Variants in KIDINS220 observed in about 807,000 individuals in gnomAD.
KIDINS220 encodes kinase D interacting substrate 220.
KIDINS220 carries 63 observed loss-of-function variants against 157.6 expected under a neutral mutation model. The ratio of observed to expected loss-of-function variants is 0.40; its 90% confidence interval spans 0.33 to 0.49. The LOEUF (loss-of-function observed/expected upper bound fraction) is 0.49. Ranked by LOEUF, KIDINS220 falls within the 20% of genes least tolerant of loss-of-function variation. The probability of loss-of-function intolerance (pLI) is 0.66; values close to 1 mark genes in which losing one functional copy is unlikely to be tolerated. For missense variants in KIDINS220, 1,772 were observed against 2,171.2 expected (o/e 0.82, Z 3.65); for synonymous variants, 732 against 783.6 (o/e 0.93, Z 1.10).
intron 6 of KIDINS220, among the ~76,000 whole-genome samples, chr2:8,811,961 A>G (rs1434921038): frequency 2.0e-5 from 3 of 152,088 alleles, no homozygotes; most frequent in East Asian, 1.9e-4. Flanking sequence ...AGAGAAGGGG[A>G]AAAAGGAAGG....
rs1246834307 is a variant in KIDINS220 at position 8,750,331 on chromosome 2, A to G, written c.3195T>C (p.Val1065=). Residue 1065 remains valine, a synonymous_variant, in exon 24 of 30, where the codon GTT becomes GTC. Transcript: ENST00000256707. ...TACTGATCTGCTCTCTGGCAGCACGAACATCTGAAAGATTCAATCAGACCC... is the reference window on the plus strand; with the variant it reads ...TACTGATCTGCTCTCTGGCAGCACGGACATCTGAAAGATTCAATCAGACCC... The part of the protein sequence containing the change: ...DPKLREIIAD[V]RAAREQISIG... 3.2e-6 allele frequency: 5 copies of G among 1,550,868 alleles called. No homozygotes were observed. The Admixed American group carries it at 5.4e-5, about 17-fold the overall frequency.
intron 21 of KIDINS220, among the ~76,000 whole-genome samples, chr2:8,771,492 G>A (rs376297915): frequency 3.9e-5 from 6 of 152,230 alleles, no homozygotes; most frequent in African/African-American, 9.6e-5. Flanking sequence ...CTTTCAGAAC[G>A]GATGCCTTGT....
chr2:8,815,139 G>A (rs1676875515), intron 4 of KIDINS220, among the ~76,000 whole-genome samples: 1 of 152,162 alleles, frequency 6.6e-6, no homozygotes, highest in African/African-American at 2.4e-5. Context: ...GGTGGCTCAT[G>A]CCTGTAATGC....
intron 12 of KIDINS220, among the ~76,000 whole-genome samples, chr2:8,792,095 C>T (rs1673270610): frequency 6.6e-6 from 1 of 151,842 alleles, no homozygotes; most frequent in Admixed American, 6.6e-5. Context: ...TACCTCATAG[C>T]CTCAACAAAA....
At position 8,729,276 on chromosome 2, in the gene KIDINS220, A is replaced by G. The variant is rs1663705423; in HGVS notation, c.*1444T>C. On this transcript the variant is annotated 3_prime_UTR_variant, in exon 30 of 30. Transcript: ENST00000256707. Reference sequence around the variant, plus strand: ...CACAAAAGAGCAACTATTTAGCACAATGACTGGCCCAGTAAATAACTTAAT... The same window carrying G: ...CACAAAAGAGCAACTATTTAGCACAGTGACTGGCCCAGTAAATAACTTAAT... 2 of 985,320 alleles carry G rather than the reference A, an allele frequency of 2.0e-6. No homozygotes were observed. Among genetic ancestry groups the G allele is most frequent in the Admixed American group, 1.2e-4 (2 of 16,266 alleles). 61.0% of individuals were successfully genotyped at this position (985,320 alleles called of 1,614,324 possible). A position where few individuals can be genotyped will look rare whatever the true frequency, so the allele number is the denominator to read the frequency against.
At chr2:8,721,638 T>C (rs1168453976), downstream of KIDINS220, 2 of 152,192 alleles carry the variant, frequency 1.3e-5, no homozygotes, top group Admixed American at 6.5e-5. Context: ...AAAATTAAAA[T>C]GTATCTTGGA....
intron 12 of KIDINS220, among the ~76,000 whole-genome samples, chr2:8,793,294 C>T (rs183215825): frequency 7.2e-5 from 11 of 152,034 alleles, no homozygotes; most frequent in African/African-American, 2.4e-4. Context: ...GATCACTCAG[C>T]CCCAGACTAG....
At chr2:8,758,276 A>G (rs1205450556) in intron 22 of KIDINS220, among the ~76,000 whole-genome samples, 1 of 152,180 alleles carries the variant, frequency 6.6e-6, no homozygotes, top group Non-Finnish European at 1.5e-5. Flanking sequence ...TGTCTATGTA[A>G]TCCCCAAATT....
chr2:8,807,818 G>T (rs1675695556), intron 6 of KIDINS220, among the ~76,000 whole-genome samples: 1 of 152,038 alleles, frequency 6.6e-6, no homozygotes, highest in Admixed American at 6.6e-5. Flanking sequence ...GGCTTAGGAA[G>T]AACGAATAAG....
At position 8,782,577 on chromosome 2, in the gene KIDINS220, T is replaced by C. The variant is rs971660837; in HGVS notation, c.2230-2763A>G. Among the ~76,000 whole-genome samples, 22 of 152,298 alleles carry C rather than the reference T, an allele frequency of 1.4e-4. 1 individual carries two copies. Among genetic ancestry groups the C allele is most frequent in the Middle Eastern group, 3.4e-3 (1 of 294 alleles). ...GCACCAGGCCCAGAGGGTTCACTAA[T>C]GAAGTCTACCAAGCACTTACAGAAG... On this transcript the variant is annotated intron_variant, in intron 17 of 29. Coordinates refer to ENST00000256707, the MANE Select transcript of KIDINS220 (RefSeq NM_020738.4).
At chr2:8,778,836 G>T in intron 19 of KIDINS220, 60 bp downstream of exon 19, 1 of 1,599,394 alleles carries the variant, frequency 6.3e-7, no homozygotes, top group Non-Finnish European at 8.6e-7. Context: ...AAGGAGAGTC[G>T]CCATAAAGAA....
intron 22 of KIDINS220, among the ~76,000 whole-genome samples, chr2:8,768,103 T>A (rs926992720): frequency 1.3e-4 from 20 of 152,186 alleles, no homozygotes; most frequent in African/African-American, 2.9e-4. Context: ...TTCATTTTTT[T>A]AAAAACCACT....
intron 9 of KIDINS220, among the ~76,000 whole-genome samples, chr2:8,799,256 C>T (rs956893409): frequency 7.0e-6 from 1 of 143,634 alleles, no homozygotes; most frequent in Admixed American, 7.4e-5. Context: ...GCCTGAAACA[C>T]CCAGCTTTCC....
At chr2:8,765,682 T>G (rs1396760965) in intron 22 of KIDINS220, among the ~76,000 whole-genome samples, 1 of 152,174 alleles carries the variant, frequency 6.6e-6, no homozygotes, top group Non-Finnish European at 1.5e-5. Context: ...CAATGTGCTA[T>G]TTCTATAACC....
rs781272996 is a variant in KIDINS220 at position 8,733,571 on chromosome 2, G to A, written c.3926C>T (p.Ser1309Phe). ...APHGEPARRASHNELPHTELS... is the reference protein window; with the variant it reads ...APHGEPARRAFHNELPHTELS... ...CTCGGTGTGAGGCAGCTCGTTGTGGGAAGCGCGGCGAGCAGGCTCACCGTG... is the reference window on the plus strand; with the variant it reads ...CTCGGTGTGAGGCAGCTCGTTGTGGAAAGCGCGGCGAGCAGGCTCACCGTG... Residue 1309 changes from serine to phenylalanine, a missense_variant, in exon 29 of 30, where the codon TCC becomes TTC. Physicochemically the swap from Ser to Phe is radical, Grantham distance 155 (BLOSUM62 -2). Transcript: ENST00000256707. 6.2e-7 allele frequency: 1 copy of A among 1,614,098 alleles called. No individual in the cohort carries two copies. Among genetic ancestry groups the A allele is most frequent in the South Asian group, 1.1e-5 (1 of 91,088 alleles).
At chr2:8,771,696 TATAG>T (rs1360359673) in intron 21 of KIDINS220, among the ~76,000 whole-genome samples, 1 of 152,190 alleles carries the variant, frequency 6.6e-6, no homozygotes, top group Non-Finnish European at 1.5e-5. Context: ...CATATAGATA[TATAG>T]ATAGATATAG....
chr2:8,826,660 T>C (rs1225210532), intron 2 of KIDINS220: 2 of 173,964 alleles, frequency 1.1e-5, no homozygotes, highest in Non-Finnish European at 2.4e-5. Context: ...TCCCTGATTT[T>C]GTCTGGTTAA....
intron 22 of KIDINS220, among the ~76,000 whole-genome samples, chr2:8,763,049 C>T (rs1439694699): frequency 6.6e-6 from 1 of 152,078 alleles, no homozygotes; most frequent in African/African-American, 2.4e-5. Flanking sequence ...TATAACATTC[C>T]CATTGATACC....
intron 5 of KIDINS220, 108 bp downstream of exon 5, chr2:8,813,129 G>C (rs1209208555): frequency 1.6e-6 from 1 of 638,288 alleles, no homozygotes; most frequent in African/African-American, 1.9e-5. Flanking sequence ...CGTTTAATAA[G>C]ATAAAGAATA....
Sources: allele counts gnomAD v4.1 joint callset (sites outside exome capture counted in the v4.1 genomes callset), GRCh38; gene constraint gnomAD v4.1.1; transcripts MANE v1.5; gene names NCBI Gene and HGNC (gene_info 2026-07-23, HGNC 2026-07-21).